The following CNTN5 variants were observed in gnomAD, a reference collection of about 807,000 sequenced individuals.
CNTN5 encodes the protein contactin-5.
CNTN5 carries 77 observed loss-of-function variants against 129.1 expected under a neutral mutation model. That is an observed-to-expected ratio of 0.60 (90% confidence interval 0.50 to 0.72). The LOEUF is 0.72. Among genes scored for constraint, CNTN5 ranks in the 30% least tolerant of loss-of-function variants. The pLI is 0.00. For synonymous variants in CNTN5, 509 were observed against 465.6 expected (o/e 1.09, Z -1.20); for missense variants, 1,478 against 1,328.8 (o/e 1.11, Z -1.75).
At chr11:99,909,124 G>C (rs566777482) in intron 6 of CNTN5, among the ~76,000 whole-genome samples, 57 of 152,080 alleles carry the variant, frequency 3.7e-4, no homozygotes, top group African/African-American at 1.3e-3. Flanking sequence ...CCTATAATTA[G>C]CTCAACTGAT....
intron 2 of CNTN5, among the ~76,000 whole-genome samples, chr11:99,443,664 T>A (rs545995457): frequency 7.9e-5 from 12 of 152,330 alleles, no homozygotes; most frequent in African/African-American, 2.9e-4. Context: ...AGAGCTATGC[T>A]TTCCTGAGAC....
At chr11:100,138,407 A>C (rs1202936450) in intron 13 of CNTN5, among the ~76,000 whole-genome samples, 1 of 152,112 alleles carries the variant, frequency 6.6e-6, no homozygotes, top group Admixed American at 6.6e-5. Context: ...TTTGTATTGT[A>C]TCAGGGAAAG....
chr11:99,130,972 G>A (rs946782519), intron 1 of CNTN5, among the ~76,000 whole-genome samples: 35 of 152,176 alleles, frequency 2.3e-4, no homozygotes, highest in Non-Finnish European at 4.0e-4. Context: ...TGTTAAGAGG[G>A]AAATTTATGG....
intron 2 of CNTN5, among the ~76,000 whole-genome samples, chr11:99,428,817 TAAC>T (rs1943247140): frequency 6.6e-6 from 1 of 152,114 alleles, no homozygotes. Flanking sequence ...ATTTTCCTGT[TAAC>T]AATTGTTTTT....
intron 2 of CNTN5, among the ~76,000 whole-genome samples, chr11:99,535,940 TA>T: frequency 6.6e-6 from 1 of 152,134 alleles, no homozygotes; most frequent in African/African-American, 2.4e-5. Flanking sequence ...TAATTCTGAT[TA>T]GTTTTGTTTT....
chr11:100,144,172 T>A (rs1946779985), intron 13 of CNTN5, among the ~76,000 whole-genome samples: 1 of 152,226 alleles, frequency 6.6e-6, no homozygotes, highest in Admixed American at 6.5e-5. Context: ...ATAATGTTAA[T>A]GTGTTCTGAA....
At chr11:99,388,721 C>G (rs2136181207) in intron 2 of CNTN5, among the ~76,000 whole-genome samples, 1 of 152,224 alleles carries the variant, frequency 6.6e-6, no homozygotes, top group African/African-American at 2.4e-5. Flanking sequence ...ACTATACATA[C>G]AGATTTGTTC....
chr11:100,213,109 G>GA (rs1398359154), intron 15 of CNTN5, among the ~76,000 whole-genome samples: 1 of 151,990 alleles, frequency 6.6e-6, no homozygotes, highest in Non-Finnish European at 1.5e-5. Flanking sequence ...CTTATAGAAT[G>GA]AAAAAATGCC....
At chr11:99,822,318 A>G (rs778354139) in intron 4 of CNTN5, among the ~76,000 whole-genome samples, 1 of 152,222 alleles carries the variant, frequency 6.6e-6, no homozygotes, top group Non-Finnish European at 1.5e-5. Context: ...CATCTTCACC[A>G]CAATATGTTT....
intron 1 of CNTN5, among the ~76,000 whole-genome samples, chr11:99,042,506 G>T (rs1480540369): frequency 6.6e-6 from 1 of 150,866 alleles, no homozygotes; most frequent in East Asian, 2.0e-4. Flanking sequence ...CTCCCGAGTA[G>T]CTGGGACTAC....
intron 8 of CNTN5, among the ~76,000 whole-genome samples, chr11:99,980,429 G>A (rs1442614971): frequency 6.6e-6 from 1 of 152,092 alleles, no homozygotes; most frequent in Non-Finnish European, 1.5e-5. Context: ...ACTTTTCAGG[G>A]TTAGATTCAA....
At chr11:99,609,226 C>T (rs1950523029) in intron 3 of CNTN5, among the ~76,000 whole-genome samples, 1 of 149,152 alleles carries the variant, frequency 6.7e-6, no homozygotes, top group Non-Finnish European at 1.5e-5. Flanking sequence ...ATACTGATGT[C>T]TCTTTGTATT....
At chr11:99,349,894 T>C (rs1194239868) in intron 2 of CNTN5, among the ~76,000 whole-genome samples, 1 of 152,214 alleles carries the variant, frequency 6.6e-6, no homozygotes, top group African/African-American at 2.4e-5. Flanking sequence ...AGAAAGAAGA[T>C]ATTCTAATGT....
At chr11:99,076,145 C>T (rs561573417) in intron 1 of CNTN5, among the ~76,000 whole-genome samples, 1 of 152,024 alleles carries the variant, frequency 6.6e-6, no homozygotes, top group East Asian at 1.9e-4. Context: ...ACCAACCTGA[C>T]CAGCATGGTG....
chr11:99,141,766 A>T (rs182116047), intron 1 of CNTN5, among the ~76,000 whole-genome samples: 1 of 152,302 alleles, frequency 6.6e-6, no homozygotes, highest in African/African-American at 2.4e-5. Context: ...ATAGTCATCC[A>T]GGAGCAGTTT....
At chr11:99,720,200 C>G (rs10893790) in intron 3 of CNTN5, among the ~76,000 whole-genome samples, 45,497 of 151,918 alleles carry the variant, frequency 0.3, 7,586 homozygotes, top group African/African-American at 0.45. Context: ...GCTACCAAAA[C>G]CTGGCAGAGC....
intron 8 of CNTN5, among the ~76,000 whole-genome samples, chr11:99,981,468 C>G (rs1327509117): frequency 1.3e-5 from 2 of 152,114 alleles, no homozygotes; most frequent in African/African-American, 4.8e-5. Flanking sequence ...TTGAATGGTG[C>G]CTGCCTACAC....
intron 13 of CNTN5, among the ~76,000 whole-genome samples, chr11:100,110,362 A>G (rs916215145): frequency 6.6e-6 from 1 of 152,160 alleles, no homozygotes; most frequent in Non-Finnish European, 1.5e-5. Context: ...TAGACGTGTC[A>G]TATTTTAAGG....
At chr11:99,684,705 T>C (rs137954709) in intron 3 of CNTN5, among the ~76,000 whole-genome samples, 1 of 151,886 alleles carries the variant, frequency 6.6e-6, no homozygotes. Flanking sequence ...TGTTTTATTC[T>C]AGAAATTTGT....
Sources: gnomAD v4.1 joint callset for allele counts (sites outside exome capture counted in the v4.1 genomes callset) on GRCh38, gnomAD v4.1.1 for gene constraint, MANE v1.5 for transcripts, NCBI Gene and HGNC (gene_info 2026-07-23, HGNC 2026-07-21) for gene names.